Variants in NCOA3 observed in about 807,000 individuals in gnomAD.
NCOA3 encodes the protein nuclear receptor coactivator 3.
Under a neutral mutation model 158.8 loss-of-function variants are expected in NCOA3, and 51 were observed. The observed-to-expected ratio is 0.32, with a 90% CI of 0.26 to 0.41. The LOEUF (loss-of-function observed/expected upper bound fraction) is 0.41. Ranked by LOEUF, NCOA3 falls within the 10% of genes least tolerant of loss-of-function variation. The pLI, the probability that NCOA3 is intolerant of heterozygous loss-of-function variation, is 1.00. For synonymous variants in NCOA3, 537 were observed against 592.4 expected (o/e 0.91, Z 1.36); for missense variants, 1,510 against 1,746.6 (o/e 0.86, Z 2.41).
intron 1 of NCOA3, among the ~76,000 whole-genome samples, chr20:47,570,463 C>G (rs1386479738): frequency 6.6e-6 from 1 of 152,122 alleles, no homozygotes; most frequent in African/African-American, 2.4e-5. Context: ...AGCAACTCCT[C>G]AAACTCCTCA....
chr20:47,589,686 T>C (rs1452917889), intron 2 of NCOA3, among the ~76,000 whole-genome samples: 1 of 152,124 alleles, frequency 6.6e-6, no homozygotes, highest in African/African-American at 2.4e-5. Context: ...ACTTGAACTT[T>C]TAAAGTCTCT....
chr20:47,619,646 A>T (rs1240380569), intron 2 of NCOA3, among the ~76,000 whole-genome samples: 6 of 129,842 alleles, frequency 4.6e-5, no homozygotes, highest in Non-Finnish European at 8.5e-5. Flanking sequence ...CCCTGTCTTT[A>T]AAAAAAAAAA....
intron 1 of NCOA3, among the ~76,000 whole-genome samples, chr20:47,520,061 C>CAAAAAAA (rs35406814): frequency 6.1e-5 from 2 of 32,886 alleles, no homozygotes; most frequent in Non-Finnish European, 1.0e-4. Context: ...TGTGCCTGGC[C>CAAAAAAA]AAAAAAAAAA....
intron 3 of NCOA3, chr20:47,622,975 T>C (rs2086265803): frequency 6.6e-6 from 1 of 152,244 alleles, no homozygotes; most frequent in African/African-American, 2.4e-5. Context: ...TCAGACCATC[T>C]GGATGTATAT....
chr20:47,593,996 T>G (rs993764661), intron 2 of NCOA3, among the ~76,000 whole-genome samples: 1 of 152,200 alleles, frequency 6.6e-6, no homozygotes, highest in Non-Finnish European at 1.5e-5. Context: ...AATTAAAATA[T>G]GAACCAAATT....
chr20:47,574,793 T>C (rs1169759723), intron 1 of NCOA3, among the ~76,000 whole-genome samples: 1 of 152,210 alleles, frequency 6.6e-6, no homozygotes, highest in Non-Finnish European at 1.5e-5. Context: ...TTTATTTCAG[T>C]GTAAACTGAA....
intron 1 of NCOA3, among the ~76,000 whole-genome samples, chr20:47,538,102 A>G (rs1349425245): frequency 7.1e-6 from 1 of 141,636 alleles, no homozygotes; most frequent in East Asian, 2.1e-4. Context: ...CTGGTCTTGA[A>G]CTCCTGACTT....
At chr20:47,530,205 C>T (rs182367117) in intron 1 of NCOA3, among the ~76,000 whole-genome samples, 1 of 152,266 alleles carries the variant, frequency 6.6e-6, no homozygotes, top group Admixed American at 6.5e-5. Context: ...ACTTCTGATT[C>T]CAAAATTCCT....
chr20:47,532,110 T>TTGTG (rs11474538), intron 1 of NCOA3, among the ~76,000 whole-genome samples: 43,242 of 147,336 alleles, frequency 0.29, 6,744 homozygotes, highest in East Asian at 0.56. Flanking sequence ...AGGGGGGGAC[T>TTGTG]TGTGTGTGTG....
chr20:47,558,480 A>G (rs191149303), intron 1 of NCOA3, among the ~76,000 whole-genome samples: 1 of 152,120 alleles, frequency 6.6e-6, no homozygotes, highest in East Asian at 1.9e-4. Flanking sequence ...GTCTCTAAAT[A>G]TAGTCACATT....
intron 17 of NCOA3, among the ~76,000 whole-genome samples, chr20:47,643,241 A>T (rs139776829): frequency 2.6e-5 from 4 of 152,290 alleles, no homozygotes; most frequent in Admixed American, 2.6e-4. Flanking sequence ...AAGGCTATGG[A>T]GGGGCCACTG....
chr20:47,641,294 C>G (rs2086601928), intron 16 of NCOA3, among the ~76,000 whole-genome samples: 1 of 151,040 alleles, frequency 6.6e-6, no homozygotes, highest in Non-Finnish European at 1.5e-5. Context: ...GGTATTTCTC[C>G]AGACTCACGT....
At chr20:47,605,537 T>C (rs771126918) in intron 2 of NCOA3, among the ~76,000 whole-genome samples, 2 of 152,138 alleles carry the variant, frequency 1.3e-5, no homozygotes, top group Non-Finnish European at 2.9e-5. Context: ...TAATACCTTT[T>C]TTCACCTTCC....
chr20:47,549,099 A>T (rs2084886975), intron 1 of NCOA3, among the ~76,000 whole-genome samples: 2 of 152,036 alleles, frequency 1.3e-5, no homozygotes, highest in Non-Finnish European at 2.9e-5. Flanking sequence ...GGTGGTCTCG[A>T]GCTCTTGGGC....
At chr20:47,608,586 C>A (rs1482916392) in intron 2 of NCOA3, among the ~76,000 whole-genome samples, 2 of 147,820 alleles carry the variant, frequency 1.4e-5, no homozygotes. Flanking sequence ...CTACAGTGAG[C>A]CGTGATCACA....
intron 2 of NCOA3, among the ~76,000 whole-genome samples, chr20:47,614,772 G>A (rs1399927417): frequency 2.0e-5 from 3 of 152,038 alleles, no homozygotes; most frequent in Non-Finnish European, 4.4e-5. Flanking sequence ...CACCACGAAG[G>A]GCAGTTTAGT....
At chr20:47,599,279 T>G (rs1360600640) in intron 2 of NCOA3, among the ~76,000 whole-genome samples, 3 of 152,162 alleles carry the variant, frequency 2.0e-5, no homozygotes, top group Non-Finnish European at 1.5e-5. Flanking sequence ...GTGATGCCAT[T>G]TATATTAAAT....
chr20:47,511,550 T>TATATATATATACATACATACACACAC, intron 1 of NCOA3, among the ~76,000 whole-genome samples: 16 of 52,270 alleles, frequency 3.1e-4, no homozygotes, highest in African/African-American at 8.6e-4. Context: ...TATATATATA[T>TATATATATATACATACATACACACAC]ATATATTTCT....
intron 1 of NCOA3, 61 bp from the exon 2 acceptor site, chr20:47,583,122 A>T: frequency 2.5e-6 from 1 of 398,382 alleles, no homozygotes. Context: ...GTGACTAATC[A>T]TAATGCTTAA....
Sources: allele counts gnomAD v4.1 joint callset (sites outside exome capture counted in the v4.1 genomes callset), GRCh38; gene constraint gnomAD v4.1.1; transcripts MANE v1.5; gene names NCBI Gene and HGNC (gene_info 2026-07-23, HGNC 2026-07-21).